JCHAIN: variants seen among roughly 807,000 people sequenced by gnomAD.
The protein encoded by JCHAIN is immunoglobulin J chain.
Under a neutral mutation model 11.1 loss-of-function variants are expected in JCHAIN, and 5 were observed. That is an observed-to-expected ratio of 0.45 (90% CI 0.24 to 0.95). The LOEUF (loss-of-function observed/expected upper bound fraction) is 0.95, where lower values mean the gene tolerates loss of function less well. Ranked by LOEUF, JCHAIN falls within the 40% of genes least tolerant of loss-of-function variation. The probability of loss-of-function intolerance (pLI) is 0.21; values close to 1 mark genes in which losing one functional copy is unlikely to be tolerated. For missense variants in JCHAIN, 165 were observed against 192.7 expected (o/e 0.86, Z 0.85); for synonymous variants, 51 against 67.8 (o/e 0.75, Z 1.22).
Position 70,656,270 on chromosome 4 carries a change from C to G in JCHAIN, c.*59G>C, listed in dbSNP as rs1738949520. On this transcript the variant is annotated 3_prime_UTR_variant, in exon 4 of 4. Coordinates refer to ENST00000254801, the MANE Select transcript of JCHAIN (RefSeq NM_144646.4). ...CATTGGTAATAAATATGCTAACTTT[C>G]TGAATCAAAATGGAGAGCCTCTCAA... The G allele has an allele frequency of 1.7e-6, 2 of 1,197,902 alleles. No homozygotes were observed. Among genetic ancestry groups the G allele is most frequent in the Non-Finnish European group, 2.4e-6 (2 of 823,740 alleles). 74.2% of individuals were successfully genotyped at this position (1,197,902 alleles called of 1,614,324 possible).
intron 2 of JCHAIN, among the ~76,000 whole-genome samples, chr4:70,657,768 G>A (rs1738976744): frequency 6.6e-6 from 1 of 152,066 alleles, no homozygotes; most frequent in Admixed American, 6.6e-5. Context: ...TAGGTATGTG[G>A]CATATGGAAT....
chr4:70,662,276 T>A, intron 1 of JCHAIN, 61 bp from the exon 2 acceptor site: 3 of 1,458,888 alleles, frequency 2.1e-6, no homozygotes, highest in Non-Finnish European at 1.9e-6. Context: ...TATTTTGTAT[T>A]GAGTTATTTT....
At chr4:70,657,965 ATTAACT>A (rs1264460732) in intron 2 of JCHAIN, among the ~76,000 whole-genome samples, 2 of 152,168 alleles carry the variant, frequency 1.3e-5, no homozygotes, top group African/African-American at 4.8e-5. Context: ...AGGTGATTTC[ATTAACT>A]TTAACATTTT....
At chr4:70,665,201 C>T (rs1379734080) in intron 1 of JCHAIN, among the ~76,000 whole-genome samples, 1 of 152,146 alleles carries the variant, frequency 6.6e-6, no homozygotes, top group Non-Finnish European at 1.5e-5. Flanking sequence ...GGAGTGCGGG[C>T]TATAGGGTCA....
intron 2 of JCHAIN, among the ~76,000 whole-genome samples, chr4:70,659,644 C>T (rs1238209089): frequency 6.7e-6 from 1 of 149,094 alleles, no homozygotes; most frequent in African/African-American, 2.5e-5. Context: ...GGCAGATCAC[C>T]TGAGGTCAAG....
In JCHAIN at chr4:70,655,942, CAAAA is replaced by C. The variant is rs75670997; in HGVS notation, c.*383_*386del. 9 of 69,390 alleles carry C rather than the reference CAAAA, an allele frequency of 1.3e-4. No homozygotes were observed. The highest frequency in any genetic ancestry group is 8.2e-3 in the Middle Eastern group (1 of 122). 4.3% of individuals were successfully genotyped at this position (69,390 alleles called of 1,614,324 possible). A position where few individuals can be genotyped will look rare whatever the true frequency, so the allele number is the denominator to read the frequency against. On this transcript the variant is annotated 3_prime_UTR_variant, in exon 4 of 4. Coordinates refer to ENST00000254801, the MANE Select transcript of JCHAIN (RefSeq NM_144646.4). ...AAGCTCTGGCTCTCCAAGGCAAAGT[CAAAA>C]AAAAAAAAAAAAGCGGGGGGGAATG...
chr4:70,660,215 C>T lies in JCHAIN; in HGVS notation c.188+1877G>A, dbSNP rs144420264. On this transcript the variant is annotated intron_variant, in intron 2 of 3. Transcript: ENST00000254801. ...GCTATGTGGGCAGGATCTGAGTGGT[C>T]AAAGAAAACCTCCTAGAGGAAGTGA... Among the ~76,000 whole-genome samples the T allele has an allele frequency of 4.8e-3, 728 of 152,096 alleles. 5 individuals are homozygous for T. The highest frequency in any genetic ancestry group is 0.012 in the African/African-American group (486 of 41,478).
In JCHAIN at chr4:70,656,187, G is replaced by T; in HGVS notation, c.*142C>A. The T allele has an allele frequency of 4.9e-6, 3 of 610,198 alleles. No individual in the cohort carries two copies. The highest frequency in any genetic ancestry group is 5.9e-6 in the Non-Finnish European group (2 of 338,808). The allele number at this position is 610,198 out of a possible 1,614,324, so 37.8% of individuals were successfully genotyped here. ...CAATGTGACTATTTTAATTATTTTG[G>T]TGGCAGGGAGTTGGTTTTACATCAC... On this transcript the variant is annotated 3_prime_UTR_variant, in exon 4 of 4. Coordinates refer to ENST00000254801, the MANE Select transcript of JCHAIN (RefSeq NM_144646.4).
rs953131994 is a variant in JCHAIN, at chr4:70,655,676, AAAG to A, written c.*650_*652del. On this transcript the variant is annotated 3_prime_UTR_variant, in exon 4 of 4. Transcript: ENST00000254801. ...TCTTACACTAACCTGATTATGAAAAAAAGAAGTCTGTATCATCTGCTTCCAAGT... is the reference window on the plus strand; with the variant it reads ...TCTTACACTAACCTGATTATGAAAAAAAGTCTGTATCATCTGCTTCCAAGT... 3.9e-5 allele frequency: 6 copies of A among 152,200 alleles called. No individual in the cohort carries two copies. Among genetic ancestry groups the A allele is most frequent in the African/African-American group, 1.4e-4 (6 of 41,464 alleles). 9.4% of individuals were successfully genotyped at this position (152,200 alleles called of 1,614,324 possible). A position where few individuals can be genotyped will look rare whatever the true frequency, so the allele number is the denominator to read the frequency against.
intron 2 of JCHAIN, 118 bp from the exon 3 acceptor site, chr4:70,657,409 T>A (rs1444568715): frequency 1.9e-6 from 1 of 540,448 alleles, no homozygotes; most frequent in African/African-American, 1.9e-5. Flanking sequence ...TAGTACTCTA[T>A]AAGCACTCTA....
intron 3 of JCHAIN, 128 bp from the exon 4 acceptor site, chr4:70,656,667 A>T (rs1738955725): frequency 1.5e-6 from 1 of 671,942 alleles, no homozygotes; most frequent in African/African-American, 1.8e-5. Context: ...CTCCTTTCAG[A>T]CATAAGCAGC....
At chr4:70,662,041 A>C in intron 2 of JCHAIN, 51 bp downstream of exon 2, 1 of 1,584,278 alleles carries the variant, frequency 6.3e-7, no homozygotes, top group Non-Finnish European at 8.7e-7. Context: ...TCAGTGTCAG[A>C]AAGTATCTCT....
chr4:70,666,349 A>G, intron 1 of JCHAIN, 78 bp downstream of exon 1: 1 of 1,032,726 alleles, frequency 9.7e-7, no homozygotes, highest in Non-Finnish European at 1.5e-6. Flanking sequence ...AAGCATAGGC[A>G]TAAATGTTTA....
At chr4:70,659,549 C>CA (rs35627461) in intron 2 of JCHAIN, among the ~76,000 whole-genome samples, 7,547 of 16,532 alleles carry the variant, frequency 0.46, 3,412 homozygotes, top group Non-Finnish European at 0.57. Flanking sequence ...GACTCTGTCT[C>CA]AAAAAAAAAA....
Position 70,666,484 on chromosome 4 carries a change from T to G in JCHAIN, c.7A>C (p.Asn3His). Residue 3 changes from asparagine to histidine, a missense_variant, in exon 1 of 4, where the codon AAC becomes CAC. Physicochemically the swap from Asn to His is moderately conservative, Grantham distance 68 (BLOSUM62 1). Transcript: ENST00000254801. ...AGGACTCCCCAGAAAAGCAAATGGT[T>G]CTTCATCTTGACTTCACTTCTTCTG... MKNHLLFWGVLAV... is the reference protein window; with the variant it reads MKHHLLFWGVLAV... 1 of 1,612,582 alleles carries G rather than the reference T, an allele frequency of 6.2e-7. No individual in the cohort carries two copies. Among genetic ancestry groups the G allele is most frequent in the Non-Finnish European group, 8.5e-7 (1 of 1,178,704 alleles).
chr4:70,658,732 C>T (rs1289582202), intron 2 of JCHAIN, among the ~76,000 whole-genome samples: 1 of 152,156 alleles, frequency 6.6e-6, no homozygotes, highest in East Asian at 1.9e-4. Flanking sequence ...ATCCATCCCA[C>T]CACTTATTCC....
intron 1 of JCHAIN, 76 bp downstream of exon 1, chr4:70,666,351 A>C: frequency 9.5e-7 from 1 of 1,056,712 alleles, no homozygotes; most frequent in Non-Finnish European, 1.4e-6. Flanking sequence ...GCATAGGCAT[A>C]AATGTTTAAA....
Position 70,666,441 on chromosome 4 carries a change from G to T in JCHAIN, c.50C>A (p.Ala17Asp), listed in dbSNP as rs753151015. ...FWGVLAVFIKAVHVKAQEDER... is the reference protein window; with the variant it reads ...FWGVLAVFIKDVHVKAQEDER... ...ATATCACATACCTTTCACATGAACA[G>T]CCTTAATAAAAACCGCCAGGACTCC... Residue 17 changes from alanine (A) to aspartate (D), a missense_variant, in exon 1 of 4, where the codon GCT (alanine) becomes GAT (aspartate). Coordinates refer to ENST00000254801, the MANE Select transcript of JCHAIN (RefSeq NM_144646.4). 17 of 1,609,786 alleles carry T rather than the reference G, an allele frequency of 1.1e-5. No homozygotes were observed. Among genetic ancestry groups the T allele is most frequent in the Non-Finnish European group, 1.4e-5 (17 of 1,176,154 alleles).
intron 2 of JCHAIN, 74 bp from the exon 3 acceptor site, chr4:70,657,365 G>A (rs1738968857): frequency 6.9e-6 from 6 of 872,456 alleles, no homozygotes; most frequent in South Asian, 2.8e-5. Context: ...TGAGTATACG[G>A]CCACTATTTC....
Sources: allele counts gnomAD v4.1 joint callset (sites outside exome capture counted in the v4.1 genomes callset), GRCh38; gene constraint gnomAD v4.1.1; transcripts MANE v1.5; gene names NCBI Gene and HGNC (gene_info 2026-07-23, HGNC 2026-07-21).